The following ACSS1 variants were observed in gnomAD, a reference collection of about 807,000 sequenced individuals.
ACSS1 encodes acyl-CoA synthetase short chain family member 1.
In ACSS1, 42 loss-of-function variants were observed where a neutral mutation model predicts 75.3. The ratio of observed to expected loss-of-function variants is 0.56; its 90% CI spans 0.44 to 0.72. The LOEUF (loss-of-function observed/expected upper bound fraction) is 0.72. Among genes scored for constraint, ACSS1 ranks in the 30% least tolerant of loss-of-function variants. The pLI is 0.00. For synonymous variants in ACSS1, 380 were observed against 376.8 expected, an observed-to-expected ratio of 1.01 and a Z score of -0.10; for missense variants, 782 against 935.7, an observed-to-expected ratio of 0.84 and a Z score of 2.14.
rs528460856 is a variant in ACSS1, at chr20:25,054,593, C to G, written c.334+3176G>C. Among the ~76,000 whole-genome samples the G allele has an allele frequency of 1.4e-4, 21 of 152,332 alleles. No homozygotes were observed. The Middle Eastern group carries it at 0.01, about 74-fold the overall frequency. On this transcript the variant is annotated intron_variant, in intron 1 of 13. Transcript: ENST00000323482. The stretch of plus-strand genomic sequence containing the variant: ...CTGGTTGCAGGAAATTGCCTGGGCC[C>G]AGCCACCATGCTGTGACAAGCCCCA...
At position 25,007,705 on chromosome 20, in the gene ACSS1, A is replaced by G; in HGVS notation, c.*57T>C. The stretch of plus-strand genomic sequence containing the variant: ...GCCAACCTCAGGGGTACCTTCTGGG[A>G]AGGACAAGCCAGGGCTTGGGTGCCC... On this transcript the variant is annotated 3_prime_UTR_variant, in exon 14 of 14. Transcript: ENST00000323482. 6.3e-7 allele frequency: 1 copy of G among 1,589,408 alleles called. No individual in the cohort carries two copies. The highest frequency in any genetic ancestry group is 8.6e-7 in the Non-Finnish European group (1 of 1,167,272).
chr20:25,023,015 T>G lies in ACSS1; in HGVS notation c.885A>C (p.Ser295=). The G allele has an allele frequency of 6.2e-7, 1 of 1,614,118 alleles. No homozygotes were observed. Among genetic ancestry groups the G allele is most frequent in the East Asian group, 2.2e-5 (1 of 44,876 alleles). Residue 295 remains serine, a synonymous_variant, in exon 5 of 14, where the codon TCA becomes TCC. Coordinates refer to ENST00000323482, the MANE Select transcript of ACSS1 (RefSeq NM_032501.4). ...TGCCCTTGGGCATTCCGGTGCTCCCTGAGGTGTACAGCATGAAGAGCATGT... is the reference window on the plus strand; with the variant it reads ...TGCCCTTGGGCATTCCGGTGCTCCCGGAGGTGTACAGCATGAAGAGCATGT... ...SEDMLFMLYT[S]GSTGMPKGIV... is the part of the protein sequence containing the mutation.
At chr20:25,025,049 C>T (rs545400726) in intron 3 of ACSS1, among the ~76,000 whole-genome samples, 1 of 152,322 alleles carries the variant, frequency 6.6e-6, no homozygotes, top group African/African-American at 2.4e-5. Flanking sequence ...CAGGTAAGCC[C>T]CCTATGGGCG....
intron 1 of ACSS1, 142 bp downstream of exon 1, chr20:25,057,627 G>A (rs1226336691): frequency 2.8e-6 from 2 of 703,174 alleles, no homozygotes; most frequent in African/African-American, 3.7e-5. Flanking sequence ...TAGAGCGGGC[G>A]GGGCGGACGG....
At chr20:25,044,914 C>T (rs2089061919) in intron 2 of ACSS1, among the ~76,000 whole-genome samples, 1 of 152,218 alleles carries the variant, frequency 6.6e-6, no homozygotes, top group East Asian at 1.9e-4. Context: ...CTGAGCCCTT[C>T]ACCTCCCAGT....
chr20:25,007,711 A>G lies in ACSS1; in HGVS notation c.*51T>C. Reference sequence around the variant, plus strand: ...CTCAGGGGTACCTTCTGGGAAGGACAAGCCAGGGCTTGGGTGCCCGCCCAT... The same window carrying G: ...CTCAGGGGTACCTTCTGGGAAGGACGAGCCAGGGCTTGGGTGCCCGCCCAT... On this transcript the variant is annotated 3_prime_UTR_variant, in exon 14 of 14. Transcript: ENST00000323482. The G allele has an allele frequency of 1.3e-6, 2 of 1,596,628 alleles. No individual in the cohort carries two copies. The highest frequency in any genetic ancestry group is 1.7e-6 in the Non-Finnish European group (2 of 1,170,800).
intron 2 of ACSS1, among the ~76,000 whole-genome samples, chr20:25,031,801 T>G (rs552047751): frequency 2.6e-5 from 4 of 152,294 alleles, no homozygotes; most frequent in African/African-American, 9.6e-5. Flanking sequence ...TCATCATGGT[T>G]CCAAAACTTC....
At position 25,013,529 on chromosome 20, in the gene ACSS1, T is replaced by C. The variant is rs372826998; in HGVS notation, c.1579+7A>G. ...AGGAATGAGAGGGTCCCTGACAGCC[T>C]GCTCACCTGGGTAGGCCTTGAAGTA... On this transcript the variant is annotated splice_region_variant and intron_variant, in intron 10 of 13. Coordinates refer to ENST00000323482, the MANE Select transcript of ACSS1 (RefSeq NM_032501.4). 7 of 1,584,554 alleles carry C rather than the reference T, an allele frequency of 4.4e-6. No individual in the cohort carries two copies. The highest frequency in any genetic ancestry group is 6.0e-6 in the Non-Finnish European group (7 of 1,159,218).
In ACSS1 at chr20:25,013,586, A is replaced by G. The variant is rs1268115262; in HGVS notation, c.1529T>C (p.Ile510Thr). 1 of 1,609,662 alleles carries G rather than the reference A, an allele frequency of 6.2e-7. No homozygotes were observed. Among genetic ancestry groups the G allele is most frequent in the Admixed American group, 1.7e-5 (1 of 59,922 alleles). ...CACAAATCGCTGGTGGTCGCCATAG[A>G]TGGTCCTGGCCATGCCCGGCCAGGC... ...SQAWPGMART[I>T]YGDHQRFVDA... is the part of the protein sequence containing the mutation. Residue 510 changes from isoleucine (I) to threonine (T), a missense_variant, in exon 10 of 14, where the codon ATC becomes ACC. Physicochemically the swap from Ile to Thr is moderately conservative, Grantham distance 89. This residue lies in a region of ACSS1 where 405 missense variants were observed against 552.6 expected (regional missense o/e 0.73). Transcript: ENST00000323482.
At chr20:25,017,553 G>A (rs1382392242) in intron 7 of ACSS1, among the ~76,000 whole-genome samples, 1 of 152,174 alleles carries the variant, frequency 6.6e-6, no homozygotes, top group Non-Finnish European at 1.5e-5. Flanking sequence ...CTGGCCTCCC[G>A]CAGGGCTCTG....
intron 6 of ACSS1, 32 bp downstream of exon 6, chr20:25,021,357 A>G (rs763672697): frequency 4.4e-6 from 7 of 1,609,180 alleles, no homozygotes; most frequent in South Asian, 1.1e-5. Context: ...TGACACCAGC[A>G]TGGGGTCCCA....
At chr20:25,033,024 G>A (rs189843399) in intron 2 of ACSS1, among the ~76,000 whole-genome samples, 1 of 152,276 alleles carries the variant, frequency 6.6e-6, no homozygotes, top group African/African-American at 2.4e-5. Context: ...GATAAAAGAC[G>A]GAACACTCCC....
Position 25,023,515 on chromosome 20 carries a change from C to T in ACSS1, c.758G>A (p.Arg253Lys), listed in dbSNP as rs1195400806. 1.2e-6 allele frequency: 2 copies of T among 1,614,038 alleles called. No individual in the cohort carries two copies. The highest frequency in any genetic ancestry group is 1.7e-6 in the Non-Finnish European group (2 of 1,180,032). The change falls in exon 4 of 14, where the codon AGG becomes AAG. Residue 253 changes from arginine to lysine, a missense_variant. Arg to Lys is a conservative substitution (Grantham distance 26, BLOSUM62 2). Around this residue, in one of 2 missense-constraint regions of ACSS1, gnomAD observed 377 missense variants for 383.1 expected, o/e 0.98. Transcript: ENST00000323482. Reference protein sequence around the residue: ...PTVQHVLVAHRTDNKVHMGDL... With the variant: ...PTVQHVLVAHKTDNKVHMGDL... ...CCCCATGTGGACCTTGTTGTCTGTCCTGTGAGCCACCAGGACATGCTGCAC... is the reference window on the plus strand; with the variant it reads ...CCCCATGTGGACCTTGTTGTCTGTCTTGTGAGCCACCAGGACATGCTGCAC...
chr20:25,038,563 A>G (rs1043900912), intron 2 of ACSS1, among the ~76,000 whole-genome samples: 2 of 152,146 alleles, frequency 1.3e-5, no homozygotes, highest in Admixed American at 6.5e-5. Context: ...GCAGGTGCAA[A>G]ATGCTGGTTT....
chr20:25,051,507 C>T lies in ACSS1; in HGVS notation c.335-3326G>A, dbSNP rs116323230. ...CAACCTTGAGTGGCATCAGAAGTCCCCAGAGGACGTGTTAGCTGCAGCCAG... is the reference window on the plus strand; with the variant it reads ...CAACCTTGAGTGGCATCAGAAGTCCTCAGAGGACGTGTTAGCTGCAGCCAG... On this transcript the variant is annotated intron_variant, in intron 1 of 13. Transcript: ENST00000323482. 7.7e-3 allele frequency among the ~76,000 whole-genome samples: 1,176 copies of T among 152,260 alleles called. 11 individuals are homozygous for T. Among genetic ancestry groups the T allele is most frequent in the African/African-American group, 0.026 (1,065 of 41,540 alleles).
intron 2 of ACSS1, among the ~76,000 whole-genome samples, chr20:25,040,980 C>T (rs994863131): frequency 1.3e-5 from 2 of 152,086 alleles, no homozygotes; most frequent in Non-Finnish European, 2.9e-5. Flanking sequence ...TTAATTTGTC[C>T]GGGCGCAGTG....
Position 25,031,687 on chromosome 20 carries a change from G to A in ACSS1, c.432-729C>T, listed in dbSNP as rs531004192. Among the ~76,000 whole-genome samples the A allele has an allele frequency of 5.3e-5, 8 of 152,266 alleles. No homozygotes were observed. In the South Asian group the frequency reaches 1.7e-3, roughly 32 times the overall value. ...TTCACTGCGCTCTGCCACTCGCCTT[G>A]GATTCCTTCCCGGCATGATCCAAGA... On this transcript the variant is annotated intron_variant, in intron 2 of 13. Transcript: ENST00000323482.
intron 7 of ACSS1, among the ~76,000 whole-genome samples, chr20:25,019,038 C>T (rs566545739): frequency 5.0e-4 from 76 of 152,342 alleles, no homozygotes; most frequent in African/African-American, 1.8e-3. Flanking sequence ...GCCCGCATGG[C>T]CTCATGGTCA....
intron 12 of ACSS1, chr20:25,011,490 G>A (rs2088407874): frequency 1.3e-5 from 2 of 152,278 alleles, no homozygotes; most frequent in Non-Finnish European, 2.9e-5. Flanking sequence ...GGAGTCCTCA[G>A]AGGAGGGGCC....
Sources: gnomAD v4.1 joint callset for allele counts (sites outside exome capture counted in the v4.1 genomes callset) on GRCh38, gnomAD v4.1.1 for gene constraint, gnomAD v4.1.1 regional missense constraint, MANE v1.5 for transcripts, NCBI Gene and HGNC (gene_info 2026-07-23, HGNC 2026-07-21) for gene names.